Variants in KAT2B observed in about 807,000 individuals in gnomAD.
KAT2B encodes histone acetyltransferase KAT2B.
Under a neutral mutation model 105.9 loss-of-function variants are expected in KAT2B, and 36 were observed. The observed-to-expected ratio is 0.34, with a 90% CI of 0.26 to 0.45. The LOEUF (loss-of-function observed/expected upper bound fraction) is 0.45, where lower values mean the gene tolerates loss of function less well. Among genes scored for constraint, KAT2B ranks in the 20% least tolerant of loss-of-function variants. KAT2B has a pLI of 1.00. For synonymous variants in KAT2B, 397 were observed against 377.9 expected, an observed-to-expected ratio of 1.05 and a Z score of -0.59; for missense variants, 820 against 1,021.6, an observed-to-expected ratio of 0.80 and a Z score of 2.69.
intron 1 of KAT2B, among the ~76,000 whole-genome samples, chr3:20,065,165 G>T (rs985352755): frequency 1.3e-5 from 2 of 152,186 alleles, no homozygotes; most frequent in African/African-American, 4.8e-5. Flanking sequence ...GTTGAAAGTA[G>T]TGCAGTGGCC....
At chr3:20,071,454 G>A (rs1046737875) in intron 1 of KAT2B, among the ~76,000 whole-genome samples, 2 of 152,218 alleles carry the variant, frequency 1.3e-5, no homozygotes, top group African/African-American at 4.8e-5. Flanking sequence ...TTTTATAAGT[G>A]GCTGAGGTCA....
chr3:20,061,001 A>G lies in KAT2B; in HGVS notation c.304-11332A>G, dbSNP rs771426760. 5.9e-5 allele frequency among the ~76,000 whole-genome samples: 9 copies of G among 152,342 alleles called. No individual in the cohort carries two copies. The South Asian group carries it at 1.9e-3, about 32-fold the overall frequency. On this transcript the variant is annotated intron_variant, in intron 1 of 17. Transcript: ENST00000263754. ...GTAAAATATAGATGATCTAAAGTTT[A>G]CCATCTGAACTATTTTTAAGTGTCT...
At position 20,072,391 on chromosome 3, in the gene KAT2B, C is replaced by T. The variant is rs200560854; in HGVS notation, c.362C>T (p.Pro121Leu). ...WKNPNPSPTPPRADLQQIIVS... is the reference protein window; with the variant it reads ...WKNPNPSPTPLRADLQQIIVS... ...AACCCTAACCCCTCACCCACTCCCCCCAGAGCCGACCTGCAGCAAATAATT... is the reference window on the plus strand; with the variant it reads ...AACCCTAACCCCTCACCCACTCCCCTCAGAGCCGACCTGCAGCAAATAATT... Residue 121 changes from proline (P) to leucine (L), a missense_variant, in exon 2 of 18, where the codon CCC (proline) becomes CTC (leucine). Transcript: ENST00000263754. 1 of 1,613,382 alleles carries T rather than the reference C, an allele frequency of 6.2e-7. No individual in the cohort carries two copies.
chr3:20,085,700 A>G (rs1698602069), intron 2 of KAT2B, among the ~76,000 whole-genome samples: 1 of 151,880 alleles, frequency 6.6e-6, no homozygotes, highest in Non-Finnish European at 1.5e-5. Context: ...TAGTAGAGAC[A>G]GGGTTTTGCC....
At chr3:20,084,917 A>T (rs1389870885) in intron 2 of KAT2B, among the ~76,000 whole-genome samples, 1 of 152,202 alleles carries the variant, frequency 6.6e-6, no homozygotes, top group African/African-American at 2.4e-5. Flanking sequence ...AAAGTAAATC[A>T]TGGCATGTAC....
At chr3:20,060,876 T>C (rs1288924419) in intron 1 of KAT2B, among the ~76,000 whole-genome samples, 2 of 151,742 alleles carry the variant, frequency 1.3e-5, no homozygotes, top group South Asian at 2.1e-4. Flanking sequence ...ACCCAGGAGG[T>C]TGAGGTTGTA....
At chr3:20,152,138 A>T (rs1242462823) in intron 17 of KAT2B, among the ~76,000 whole-genome samples, 194 bp from the exon 18 acceptor site, 5 of 152,258 alleles carry the variant, frequency 3.3e-5, no homozygotes, top group African/African-American at 4.8e-5. Flanking sequence ...TTACATTTTT[A>T]AAAAACCCAC....
intron 11 of KAT2B, among the ~76,000 whole-genome samples, chr3:20,131,648 T>G (rs1220969610): frequency 2.6e-5 from 4 of 152,094 alleles, no homozygotes; most frequent in African/African-American, 9.7e-5. Context: ...GCTCCCTGCG[T>G]CTGCGACCTC....
chr3:20,152,477 G>T lies in KAT2B; in HGVS notation c.2451G>T (p.Glu817Asp), dbSNP rs770108858. The T allele has an allele frequency of 1.9e-6, 3 of 1,613,332 alleles. No individual in the cohort carries two copies. The highest frequency in any genetic ancestry group is 2.5e-6 in the Non-Finnish European group (3 of 1,179,534). Reference protein sequence around the residue: ...SEYYKCANILEKFFFSKIKEA... With the variant: ...SEYYKCANILDKFFFSKIKEA... The stretch of plus-strand genomic sequence containing the variant: ...ACTACAAATGTGCCAATATCCTGGA[G>T]AAATTCTTCTTCAGTAAAATTAAGG... Residue 817 changes from glutamate to aspartate, a missense_variant, in exon 18 of 18, where the codon GAG becomes GAT. By Grantham distance (45) the Glu-to-Asp change is conservative (BLOSUM62 2). Around this residue, in one of 6 missense-constraint regions of KAT2B, gnomAD observed 227 missense variants for 292.9 expected, o/e 0.77. Coordinates refer to ENST00000263754, the MANE Select transcript of KAT2B (RefSeq NM_003884.5).
chr3:20,077,660 A>T (rs1005795851), intron 2 of KAT2B, among the ~76,000 whole-genome samples: 1 of 152,170 alleles, frequency 6.6e-6, no homozygotes, highest in African/African-American at 2.4e-5. Flanking sequence ...TATTAAAATT[A>T]TTTCTACTGG....
At position 20,109,661 on chromosome 3, in the gene KAT2B, A is replaced by G. The variant is rs555387085; in HGVS notation, c.852-1935A>G. Among the ~76,000 whole-genome samples, 64 of 152,252 alleles carry G rather than the reference A, an allele frequency of 4.2e-4. 1 individual carries two copies. The highest frequency in any genetic ancestry group is 4.4e-4 in the Non-Finnish European group (30 of 68,002). On this transcript the variant is annotated intron_variant, in intron 5 of 17. Coordinates refer to ENST00000263754, the MANE Select transcript of KAT2B (RefSeq NM_003884.5). ...AACTTAATTAAGTGGCCACAGACTA[A>G]CATCTAGCAAACAATTGGCTTTGAA... is the stretch of plus-strand genomic sequence containing the variant.
Position 20,140,305 on chromosome 3 carries a change from G to A in KAT2B, c.1945G>A (p.Glu649Lys), listed in dbSNP as rs749627099. 5.0e-6 allele frequency: 8 copies of A among 1,613,100 alleles called. No individual in the cohort carries two copies. In the Admixed American group the frequency reaches 5.0e-5, roughly 10 times the overall value. Reference protein sequence around the residue: ...DYEGATLMGCELNPRIPYTEF... With the variant: ...DYEGATLMGCKLNPRIPYTEF... ...TGAAGGAGCCACTTTAATGGGATGT[G>A]AGCTAAATCCACGGATCCCGTACAC... Residue 649 changes from glutamate to lysine, a missense_variant, in exon 13 of 18, where the codon GAG becomes AAG. Transcript: ENST00000263754.
chr3:20,065,857 G>T (rs539903348), intron 1 of KAT2B, among the ~76,000 whole-genome samples: 2 of 152,268 alleles, frequency 1.3e-5, no homozygotes, highest in East Asian at 1.9e-4. Context: ...GGGCTTGGGG[G>T]TGGAGTCCCT....
chr3:20,075,031 C>T (rs770880255), intron 2 of KAT2B, among the ~76,000 whole-genome samples: 1 of 151,868 alleles, frequency 6.6e-6, no homozygotes, highest in Non-Finnish European at 1.5e-5. Context: ...TTTGGGAGGC[C>T]GAGGCTGGCA....
intron 2 of KAT2B, among the ~76,000 whole-genome samples, chr3:20,083,932 G>A (rs1698566800): frequency 6.6e-6 from 1 of 152,180 alleles, no homozygotes; most frequent in Admixed American, 6.5e-5. Flanking sequence ...GGGATAGGGA[G>A]GATGGAAGGT....
At chr3:20,101,078 C>G (rs1698901375) in intron 4 of KAT2B, 1 of 544,718 alleles carries the variant, frequency 1.8e-6, no homozygotes, top group Non-Finnish European at 3.3e-6. Flanking sequence ...CTCACAGCCT[C>G]TCTGTCTTGT....
chr3:20,062,439 A>G (rs1698153565), intron 1 of KAT2B, among the ~76,000 whole-genome samples: 1 of 116,930 alleles, frequency 8.6e-6, no homozygotes, highest in Non-Finnish European at 1.6e-5. Context: ...AATATATAAT[A>G]TATAGAAATT....
At chr3:20,048,433 T>G (rs1451785065) in intron 1 of KAT2B, among the ~76,000 whole-genome samples, 1 of 152,216 alleles carries the variant, frequency 6.6e-6, no homozygotes, top group Non-Finnish European at 1.5e-5. Context: ...GTTTTTGTTT[T>G]GTTTTGTTTT....
intron 12 of KAT2B, 102 bp downstream of exon 12, chr3:20,137,154 A>T: frequency 3.0e-6 from 2 of 656,824 alleles, no homozygotes; most frequent in South Asian, 3.6e-5. Flanking sequence ...TTTTCTACTT[A>T]TAAGAACAGG....
Sources: allele counts gnomAD v4.1 joint callset (sites outside exome capture counted in the v4.1 genomes callset), GRCh38; gene constraint gnomAD v4.1.1; regional missense constraint gnomAD v4.1.1; transcripts MANE v1.5; gene names NCBI Gene and HGNC (gene_info 2026-07-23, HGNC 2026-07-21).